Variants in FBLN2 observed in about 807,000 individuals in gnomAD.
FBLN2 encodes the protein fibulin-2.
A neutral mutation model predicts 123.7 loss-of-function variants in FBLN2; 81 were observed. The observed-to-expected ratio is 0.65, with a 90% confidence interval of 0.55 to 0.79. The LOEUF (loss-of-function observed/expected upper bound fraction) is 0.79, where lower values mean the gene tolerates loss of function less well. FBLN2 is among the 30% of genes least tolerant of loss of function. The pLI, the probability that FBLN2 is intolerant of heterozygous loss-of-function variation, is 0.00. For synonymous variants in FBLN2, 699 were observed against 701.4 expected (o/e 1.00, Z 0.05); for missense variants, 1,603 against 1,681.3 (o/e 0.95, Z 0.81).
At chr3:13,606,207 A>G (rs1705198751) in intron 2 of FBLN2, among the ~76,000 whole-genome samples, 1 of 152,094 alleles carries the variant, frequency 6.6e-6, no homozygotes, top group African/African-American at 2.4e-5. Context: ...CCTAAGGAGT[A>G]TTTTACTTTG....
At chr3:13,555,015 C>T (rs1175893372) in intron 1 of FBLN2, among the ~76,000 whole-genome samples, 10 of 149,494 alleles carry the variant, frequency 6.7e-5, no homozygotes, top group South Asian at 2.1e-4. Context: ...TGCAGTGGTG[C>T]GATTCCGGCT....
Position 13,619,782 on chromosome 3 carries a change from C to T in FBLN2, c.2106C>T (p.Cys702=), listed in dbSNP as rs1705782223. The change falls in exon 8 of 18, where the codon TGC becomes TGT. Residue 702 remains cysteine, a synonymous_variant. Transcript: ENST00000404922. ...VCSTVGGSAI[C]SCFPGYAIMA... ...GCACTGTTGGGGGCTCAGCCATATGCTCCTGTTTTCCCGGCTATGCCATCA... is the reference window on the plus strand; with the variant it reads ...GCACTGTTGGGGGCTCAGCCATATGTTCCTGTTTTCCCGGCTATGCCATCA... 1.2e-6 allele frequency: 2 copies of T among 1,612,966 alleles called. No individual in the cohort carries two copies. The highest frequency in any genetic ancestry group is 2.2e-5 in the South Asian group (2 of 90,888).
At chr3:13,562,827 C>T (rs1703649701) in intron 1 of FBLN2, among the ~76,000 whole-genome samples, 1 of 152,210 alleles carries the variant, frequency 6.6e-6, no homozygotes, top group South Asian at 2.1e-4. Context: ...CACCATTCTA[C>T]TTTCTGTCTC....
intron 2 of FBLN2, among the ~76,000 whole-genome samples, chr3:13,595,471 C>G (rs1291786975): frequency 3.9e-5 from 6 of 152,088 alleles, no homozygotes; most frequent in Admixed American, 3.9e-4. Flanking sequence ...ATTTTACAGT[C>G]CTCATAAAAA....
intron 2 of FBLN2, among the ~76,000 whole-genome samples, chr3:13,576,007 C>T (rs958868174): frequency 9.9e-5 from 15 of 152,152 alleles, no homozygotes; most frequent in Non-Finnish European, 2.1e-4. Flanking sequence ...AGGAGGTGCT[C>T]GGCAAGGGCG....
chr3:13,598,280 G>A (rs111948444), intron 2 of FBLN2, among the ~76,000 whole-genome samples: 9 of 152,362 alleles, frequency 5.9e-5, no homozygotes, highest in African/African-American at 1.4e-4. Flanking sequence ...TGAGTCTTAC[G>A]TTCCCACTTG....
At chr3:13,628,348 C>T (rs1245182433) in intron 11 of FBLN2, among the ~76,000 whole-genome samples, 1 of 152,122 alleles carries the variant, frequency 6.6e-6, no homozygotes, top group Non-Finnish European at 1.5e-5. Flanking sequence ...ACTGCAATAC[C>T]AGTGTCCCCA....
rs1487276819 is a variant in FBLN2, at chr3:13,621,998, C to T, written c.2296+83C>T. On this transcript the variant is annotated intron_variant, in intron 9 of 17. Transcript: ENST00000404922. ...AAGCCCACCACACTGTGGCCACATG[C>T]CAAAGGGCCTGCCCTTTGCATGTGA... The T allele has an allele frequency of 6.0e-6, 9 of 1,489,194 alleles. No homozygotes were observed. In the Admixed American group the frequency reaches 1.7e-4, roughly 28 times the overall value. 92.2% of individuals were successfully genotyped at this position (1,489,194 alleles called of 1,614,324 possible).
chr3:13,554,291 G>A (rs1194862813), intron 1 of FBLN2, among the ~76,000 whole-genome samples: 2 of 152,172 alleles, frequency 1.3e-5, no homozygotes, highest in African/African-American at 4.8e-5. Context: ...CTGTGTTGGG[G>A]CCAGCCCTTG....
intron 1 of FBLN2, among the ~76,000 whole-genome samples, chr3:13,557,427 T>C (rs1176621600): frequency 6.6e-6 from 1 of 152,238 alleles, no homozygotes; most frequent in African/African-American, 2.4e-5. Flanking sequence ...AAAAAAGTCA[T>C]GGAACTAAAA....
At chr3:13,600,994 A>G (rs1261247303) in intron 2 of FBLN2, among the ~76,000 whole-genome samples, 1 of 152,182 alleles carries the variant, frequency 6.6e-6, no homozygotes, top group Non-Finnish European at 1.5e-5. Context: ...CAGGGTGTTG[A>G]GGGTGTCCAT....
intron 1 of FBLN2, among the ~76,000 whole-genome samples, chr3:13,558,901 T>TA (rs1284557097): frequency 6.6e-6 from 1 of 151,230 alleles, no homozygotes; most frequent in African/African-American, 2.4e-5. Flanking sequence ...TTCAGGGTTC[T>TA]AGGAGAGTTT....
chr3:13,559,613 G>A (rs901525884), intron 1 of FBLN2, among the ~76,000 whole-genome samples: 1 of 152,222 alleles, frequency 6.6e-6, no homozygotes, highest in African/African-American at 2.4e-5. Context: ...GCCACAGAAC[G>A]AAATCTAGGG....
Position 13,629,892 on chromosome 3 carries a change from G to A in FBLN2, c.2915G>A (p.Arg972His), listed in dbSNP as rs200076998. 2.8e-4 allele frequency: 455 copies of A among 1,604,632 alleles called. No homozygotes were observed. Among genetic ancestry groups the A allele is most frequent in the Non-Finnish European group, 3.6e-4 (427 of 1,176,548 alleles). ...TGTGAGAACACACTCGGCTCCTACC[G>A]CTGTTCCTGCGCCTCCGGGTTCCTG... Reference protein sequence around the residue: ...HTCENTLGSYRCSCASGFLLA... With the variant: ...HTCENTLGSYHCSCASGFLLA... The change falls in exon 14 of 18, where the codon CGC becomes CAC. Residue 972 changes from arginine to histidine, a missense_variant. Arg to His is a conservative substitution (Grantham distance 29). Coordinates refer to ENST00000404922, the MANE Select transcript of FBLN2 (RefSeq NM_001004019.2).
In FBLN2 at chr3:13,629,929, C is replaced by G; in HGVS notation, c.2952C>G (p.Asp984Glu). Residue 984 changes from aspartate (D) to glutamate (E), a missense_variant, in exon 14 of 18, where the codon GAC (aspartate) becomes GAG (glutamate). Coordinates refer to ENST00000404922, the MANE Select transcript of FBLN2 (RefSeq NM_001004019.2). Reference protein sequence around the residue: ...SCASGFLLAADGKRCEDVNEC... With the variant: ...SCASGFLLAAEGKRCEDVNEC... ...CCTCCGGGTTCCTGCTAGCAGCGGA[C>G]GGCAAGCGCTGTGAAGGTAGGCTGG... 1 of 1,610,414 alleles carries G rather than the reference C, an allele frequency of 6.2e-7. No individual in the cohort carries two copies. The highest frequency in any genetic ancestry group is 1.7e-5 in the Admixed American group (1 of 59,698).
intron 1 of FBLN2, among the ~76,000 whole-genome samples, chr3:13,567,872 C>T (rs758243497): frequency 3.9e-5 from 6 of 152,122 alleles, no homozygotes; most frequent in Middle Eastern, 3.2e-3. Context: ...GTGGGAAGAT[C>T]GCTTGAGCTC....
intron 2 of FBLN2, among the ~76,000 whole-genome samples, chr3:13,577,962 A>G (rs557648232): frequency 5.3e-5 from 8 of 152,186 alleles, no homozygotes; most frequent in Non-Finnish European, 1.0e-4. Context: ...AGGGGGCCCC[A>G]GTCTCCCAGT....
intron 1 of FBLN2, among the ~76,000 whole-genome samples, chr3:13,564,559 C>G (rs1703690124): frequency 1.3e-5 from 2 of 152,234 alleles, no homozygotes. Flanking sequence ...CTAGACAGTT[C>G]TCCATCATTT....
Position 13,628,946 on chromosome 3 carries a change from G to A in FBLN2, c.2611G>A (p.Gly871Ser), listed in dbSNP as rs775269168. 1.4e-5 allele frequency: 23 copies of A among 1,613,542 alleles called. No individual in the cohort carries two copies. Among genetic ancestry groups the A allele is most frequent in the Non-Finnish European group, 1.9e-5 (23 of 1,179,782 alleles). Residue 871 changes from glycine to serine, a missense_variant, in exon 12 of 18, where the codon GGC (glycine) becomes AGC (serine). By Grantham distance (56) the Gly-to-Ser change is moderately conservative. Coordinates refer to ENST00000404922, the MANE Select transcript of FBLN2 (RefSeq NM_001004019.2). ...GTCACTGTCCGAGCCATGTCGGCCA[G>A]GCTTCAGCTGCATCAACACGGTGGG... ...CTSLSEPCRP[G>S]FSCINTVGSY...
Sources: allele counts gnomAD v4.1 joint callset (sites outside exome capture counted in the v4.1 genomes callset), GRCh38; gene constraint gnomAD v4.1.1; transcripts MANE v1.5; gene names NCBI Gene and HGNC (gene_info 2026-07-23, HGNC 2026-07-21).